The following MYOZ2 variants were observed in gnomAD, a reference collection of about 807,000 sequenced individuals.
The protein encoded by MYOZ2 is myozenin-2.
In MYOZ2, 19 loss-of-function variants were observed where a neutral mutation model predicts 25.4. The observed-to-expected ratio is 0.75, with a 90% CI of 0.52 to 1.10. The LOEUF (loss-of-function observed/expected upper bound fraction) is 1.10, where lower values mean the gene tolerates loss of function less well. Ranked by LOEUF, MYOZ2 falls within the 50% of genes least tolerant of loss-of-function variation. MYOZ2 has a pLI of 0.00. For missense variants in MYOZ2, 270 were observed against 317.9 expected, an observed-to-expected ratio of 0.85 and a Z score of 1.15; for synonymous variants, 92 against 106.9, an observed-to-expected ratio of 0.86 and a Z score of 0.86.
intron 2 of MYOZ2, among the ~76,000 whole-genome samples, chr4:119,142,906 C>G (rs1042446771): frequency 2.6e-5 from 4 of 152,102 alleles, no homozygotes; most frequent in Admixed American, 1.3e-4. Context: ...AACTGTTGCA[C>G]TCCATTTTGT....
At chr4:119,181,124 C>T (rs748199677) in intron 5 of MYOZ2, among the ~76,000 whole-genome samples, 4 of 152,174 alleles carry the variant, frequency 2.6e-5, no homozygotes, top group Non-Finnish European at 4.4e-5. Context: ...TTATGGACAG[C>T]CTCATATTCA....
At chr4:119,183,225 C>A (rs1036024856) in intron 5 of MYOZ2, among the ~76,000 whole-genome samples, 1 of 151,758 alleles carries the variant, frequency 6.6e-6, no homozygotes, top group Non-Finnish European at 1.5e-5. Context: ...GGCAGACATA[C>A]AAATGGATAT....
chr4:119,177,014 T>C (rs1207387382), intron 5 of MYOZ2, among the ~76,000 whole-genome samples: 1 of 152,180 alleles, frequency 6.6e-6, no homozygotes, highest in East Asian at 1.9e-4. Flanking sequence ...TGAGCCGAGA[T>C]TGTGCCATTG....
At chr4:119,174,364 T>A (rs941936905) in intron 5 of MYOZ2, among the ~76,000 whole-genome samples, 1 of 152,026 alleles carries the variant, frequency 6.6e-6, no homozygotes, top group Admixed American at 6.5e-5. Context: ...GCACCCTGTG[T>A]CTAGCTCAGG....
chr4:119,182,711 C>T (rs1742209150), intron 5 of MYOZ2, among the ~76,000 whole-genome samples: 1 of 152,144 alleles, frequency 6.6e-6, no homozygotes, highest in African/African-American at 2.4e-5. Context: ...GATGACCTGA[C>T]AGGAGGTGGA....
At chr4:119,165,039 C>A (rs1315694949) in intron 5 of MYOZ2, among the ~76,000 whole-genome samples, 1 of 149,886 alleles carries the variant, frequency 6.7e-6, no homozygotes, top group Non-Finnish European at 1.5e-5. Flanking sequence ...ATCACTTGAC[C>A]TTCATTTTAG....
intron 4 of MYOZ2, among the ~76,000 whole-genome samples, chr4:119,158,457 G>A (rs1455034385): frequency 1.3e-5 from 2 of 152,036 alleles, no homozygotes. Flanking sequence ...TTGGGGGGCT[G>A]GGGTAGGAGG....
At chr4:119,154,856 T>C (rs1458867247) in intron 3 of MYOZ2, among the ~76,000 whole-genome samples, 1 of 31,584 alleles carries the variant, frequency 3.2e-5, no homozygotes, top group Non-Finnish European at 1.2e-4. Flanking sequence ...AATGTTATAT[T>C]ACACACACAC....
intron 5 of MYOZ2, among the ~76,000 whole-genome samples, chr4:119,179,253 A>G (rs1198122367): frequency 1.3e-5 from 2 of 152,326 alleles, no homozygotes; most frequent in South Asian, 2.1e-4. Context: ...TGTTTCTTAC[A>G]TAATAGACTC....
At chr4:119,152,482 A>T (rs1240742634) in intron 3 of MYOZ2, among the ~76,000 whole-genome samples, 1 of 152,144 alleles carries the variant, frequency 6.6e-6, no homozygotes, top group Non-Finnish European at 1.5e-5. Flanking sequence ...CATCTCTAGG[A>T]ATAATGCTTT....
At chr4:119,175,491 T>C (rs1742049060) in intron 5 of MYOZ2, among the ~76,000 whole-genome samples, 1 of 152,108 alleles carries the variant, frequency 6.6e-6, no homozygotes, top group Non-Finnish European at 1.5e-5. Context: ...CCAGGTGCAG[T>C]GGGTCACACC....
At chr4:119,159,499 C>A (rs189111979) in intron 4 of MYOZ2, among the ~76,000 whole-genome samples, 25 of 152,188 alleles carry the variant, frequency 1.6e-4, no homozygotes, top group African/African-American at 5.5e-4. Context: ...TAAAATAGGA[C>A]ATCTTTCAAA....
At chr4:119,167,213 C>T (rs1354179181) in intron 5 of MYOZ2, among the ~76,000 whole-genome samples, 2 of 152,150 alleles carry the variant, frequency 1.3e-5, no homozygotes, top group East Asian at 3.8e-4. Flanking sequence ...CCAGTGAACA[C>T]ATGAATGATA....
intron 5 of MYOZ2, among the ~76,000 whole-genome samples, chr4:119,174,476 C>A (rs1742013259): frequency 2.0e-5 from 3 of 152,020 alleles, no homozygotes; most frequent in Admixed American, 2.0e-4. Context: ...CCAATCAGCA[C>A]CCTGTGTTTA....
At chr4:119,176,073 A>AT (rs540385422) in intron 5 of MYOZ2, among the ~76,000 whole-genome samples, 196 of 151,916 alleles carry the variant, frequency 1.3e-3, no homozygotes, top group African/African-American at 4.4e-3. Context: ...TCCATGTTGT[A>AT]TTTTTTCCTC....
chr4:119,168,233 A>G, intron 5 of MYOZ2, among the ~76,000 whole-genome samples: 1 of 152,198 alleles, frequency 6.6e-6, no homozygotes, highest in East Asian at 1.9e-4. Flanking sequence ...CGGTCTCCCA[A>G]AGTGCTGGGA....
At chr4:119,162,998 C>T (rs1430943482) in intron 4 of MYOZ2, among the ~76,000 whole-genome samples, 1 of 151,866 alleles carries the variant, frequency 6.6e-6, no homozygotes, top group Non-Finnish European at 1.5e-5. Context: ...TTTAAAAAGT[C>T]AGAATTATCA....
chr4:119,168,299 C>T (rs998849471), intron 5 of MYOZ2, among the ~76,000 whole-genome samples: 1 of 152,190 alleles, frequency 6.6e-6, no homozygotes, highest in African/African-American at 2.4e-5. Context: ...GTTGACACAA[C>T]ATCCATTCTG....
chr4:119,144,154 T>G (rs1741235372), intron 2 of MYOZ2, among the ~76,000 whole-genome samples: 1 of 151,010 alleles, frequency 6.6e-6, no homozygotes, highest in Non-Finnish European at 1.5e-5. Context: ...CCAATCACTA[T>G]TCTGCTCTCC....
Sources: allele counts gnomAD v4.1 joint callset (sites outside exome capture counted in the v4.1 genomes callset), GRCh38; gene constraint gnomAD v4.1.1; transcripts MANE v1.5; gene names NCBI Gene and HGNC (gene_info 2026-07-23, HGNC 2026-07-21).